Variants in HSP90AA1 observed in about 807,000 individuals in gnomAD.
The protein encoded by HSP90AA1 is heat shock protein 90 alpha family class A member 1.
HSP90AA1 carries 18 observed loss-of-function variants against 73.3 expected under a neutral mutation model. That is an observed-to-expected ratio of 0.25 (90% CI 0.17 to 0.36). The LOEUF is 0.36. Ranked by LOEUF, HSP90AA1 falls within the 10% of genes least tolerant of loss-of-function variation. The pLI is 1.00. For missense variants in HSP90AA1, 704 were observed against 874.2 expected, an observed-to-expected ratio of 0.81 and a Z score of 2.45; for synonymous variants, 477 against 296.9, an observed-to-expected ratio of 1.61 and a Z score of -6.24.
intron 1 of HSP90AA1, among the ~76,000 whole-genome samples, chr14:102,103,813 A>C (rs2049527709): frequency 6.6e-6 from 1 of 151,750 alleles, no homozygotes; most frequent in South Asian, 2.1e-4. Flanking sequence ...TCAAAACAAA[A>C]AAAAAAAAAC....
At chr14:102,106,828 G>A (rs755543361) in intron 1 of HSP90AA1, among the ~76,000 whole-genome samples, 2 of 151,936 alleles carry the variant, frequency 1.3e-5, no homozygotes, top group African/African-American at 2.4e-5. Context: ...ACAAGTGTGA[G>A]CCGCTGCGCC....
At chr14:102,114,187 C>A (rs938436021) in intron 1 of HSP90AA1, among the ~76,000 whole-genome samples, 1 of 151,918 alleles carries the variant, frequency 6.6e-6, no homozygotes, top group Non-Finnish European at 1.5e-5. Flanking sequence ...ATGGGGTTCA[C>A]CATGTTGCAT....
intron 1 of HSP90AA1, among the ~76,000 whole-genome samples, chr14:102,113,845 G>A (rs1437153555): frequency 6.6e-6 from 1 of 151,990 alleles, no homozygotes; most frequent in Non-Finnish European, 1.5e-5. Flanking sequence ...GGAATAGCTG[G>A]GACTACAAGC....
intron 7 of HSP90AA1, 48 bp downstream of exon 7, chr14:102,083,745 A>AC: frequency 6.3e-7 from 1 of 1,596,366 alleles, no homozygotes. Context: ...AAAAAAAAAA[A>AC]AAAAACTAAA....
At position 102,113,873 on chromosome 14, in the gene HSP90AA1, G is replaced by A. The variant is rs188296822; in HGVS notation, c.156-11788C>T. On this transcript the variant is annotated intron_variant, in intron 1 of 11. Transcript: ENST00000334701. ...CTACAAGCGCCTGCCACCATGCCCC[G>A]CTAATTTTTTCTATTTTTAGTTGAG... Among the ~76,000 whole-genome samples the A allele has an allele frequency of 6.6e-3, 1,001 of 151,936 alleles. 11 individuals carry two copies. Among genetic ancestry groups the A allele is most frequent in the African/African-American group, 0.022 (927 of 41,452 alleles).
chr14:102,086,234 T>C lies in HSP90AA1; in HGVS notation c.145A>G (p.Ile49Val), dbSNP rs1364526776. 1 of 1,614,230 alleles carries C rather than the reference T, an allele frequency of 6.2e-7. No individual in the cohort carries two copies. Among genetic ancestry groups the C allele is most frequent in the South Asian group, 1.1e-5 (1 of 91,092 alleles). ...TGACTTACATCTGATGAATTTGAAATGAGCTCTCTCAGAAAGATCTCTTTG... is the reference window on the plus strand; with the variant it reads ...TGACTTACATCTGATGAATTTGAAACGAGCTCTCTCAGAAAGATCTCTTTG... ...SNKEIFLREL[I>V]SNSSDALDKI... is the part of the protein sequence containing the mutation. Residue 49 changes from isoleucine to valine, a missense_variant, in exon 2 of 11, where the codon ATT (isoleucine) becomes GTT (valine). Transcript: ENST00000216281.
chr14:102,101,739 G>T, intron 2 of HSP90AA1: 2 of 732,002 alleles, frequency 2.7e-6, no homozygotes, highest in Non-Finnish European at 2.4e-6. Flanking sequence ...GCAGTGGATG[G>T]GTAGGCAGGG....
At chr14:102,096,931 C>T (rs1397420515) in intron 2 of HSP90AA1, among the ~76,000 whole-genome samples, 3 of 152,158 alleles carry the variant, frequency 2.0e-5, no homozygotes, top group Non-Finnish European at 2.9e-5. Flanking sequence ...CTGAAAAGTT[C>T]ATGGCAAAGC....
rs1361885338 is a variant in HSP90AA1 at position 102,083,588 on chromosome 14, T to G, written c.1444A>C (p.Thr482Pro). 3.7e-6 allele frequency: 6 copies of G among 1,613,878 alleles called. No individual in the cohort carries two copies. The highest frequency in any genetic ancestry group is 4.2e-6 in the Non-Finnish European group (5 of 1,179,794). The stretch of plus-strand genomic sequence containing the variant: ...TGTTTCTGGTTCTCCTTCATTCTGG[T>G]GCAGTAGTCCTTGAGAGAAACCATC... ...DEMVSLKDYC[T>P]RMKENQKHIY... Residue 482 changes from threonine (T) to proline (P), a missense_variant, in exon 8 of 11, where the codon ACC becomes CCC. Coordinates refer to ENST00000216281, the MANE Select transcript of HSP90AA1 (RefSeq NM_005348.4).
At chr14:102,081,943 T>A (rs918249320) in intron 10 of HSP90AA1, 122 bp from the exon 11 acceptor site, 1 of 776,374 alleles carries the variant, frequency 1.3e-6, no homozygotes, top group African/African-American at 1.7e-5. Flanking sequence ...TCAATTTCAT[T>A]TCTTTGCTCT....
chr14:102,116,710 G>A (rs1183240444), intron 1 of HSP90AA1, among the ~76,000 whole-genome samples: 12 of 152,180 alleles, frequency 7.9e-5, no homozygotes, highest in Admixed American at 6.5e-4. Context: ...CAGGAGCCAG[G>A]GACAAGCTGG....
In HSP90AA1 at chr14:102,084,434, A is replaced by C. The variant is rs762696112; in HGVS notation, c.1112T>G (p.Met371Arg). The C allele has an allele frequency of 6.2e-7, 1 of 1,612,968 alleles. No individual in the cohort carries two copies. Among genetic ancestry groups the C allele is most frequent in the East Asian group, 2.2e-5 (1 of 44,894 alleles). ...IKLYVRRVFI[M>R]DNCEELIPEY... ...AGGGATTAGCTCCTCACAGTTATCC[A>C]TGATGAAAACTCTGCGTACATACAA... is the stretch of plus-strand genomic sequence containing the variant. Residue 371 changes from methionine (M) to arginine (R), a missense_variant, in exon 6 of 11, where the codon ATG (methionine) becomes AGG (arginine). By Grantham distance (91) the Met-to-Arg change is moderately conservative. Transcript: ENST00000216281.
chr14:102,108,531 CTTTTTTTT>C (rs35612478), intron 1 of HSP90AA1, among the ~76,000 whole-genome samples: 1 of 130,786 alleles, frequency 7.6e-6, no homozygotes, highest in African/African-American at 2.9e-5. Flanking sequence ...TAACTTATAA[CTTTTTTTT>C]TTTTTTTTTT....
chr14:102,135,490 C>T (rs1193009757), intron 1 of HSP90AA1, among the ~76,000 whole-genome samples: 1 of 152,262 alleles, frequency 6.6e-6, no homozygotes, highest in African/African-American at 2.4e-5. Flanking sequence ...GAGCTGCCTG[C>T]CAGTCCTGCG....
chr14:102,120,478 TG>T (rs1371444548), intron 1 of HSP90AA1, among the ~76,000 whole-genome samples: 2 of 152,218 alleles, frequency 1.3e-5, no homozygotes, highest in African/African-American at 4.8e-5. Flanking sequence ...TTATATATTT[TG>T]TCTTTTGAAC....
intron 1 of HSP90AA1, among the ~76,000 whole-genome samples, chr14:102,107,987 A>AG (rs1290002794): frequency 6.7e-6 from 1 of 149,936 alleles, no homozygotes; most frequent in Non-Finnish European, 1.5e-5. Context: ...CTTGAAGCCC[A>AG]GGTGCAATGG....
chr14:102,110,037 G>A (rs1042734146), intron 1 of HSP90AA1, among the ~76,000 whole-genome samples: 2 of 151,798 alleles, frequency 1.3e-5, no homozygotes, highest in African/African-American at 4.8e-5. Flanking sequence ...GGGTTCAAGC[G>A]ATTCTTCTGC....
intron 1 of HSP90AA1, among the ~76,000 whole-genome samples, chr14:102,121,410 T>C (rs1191401836): frequency 1.3e-5 from 2 of 152,192 alleles, no homozygotes; most frequent in African/African-American, 4.8e-5. Flanking sequence ...TGTACATTTA[T>C]GCGGGTAAAT....
intron 1 of HSP90AA1, 46 bp from the exon 2 acceptor site, chr14:102,086,424 G>A (rs1199915574): frequency 3.1e-6 from 5 of 1,594,702 alleles, no homozygotes; most frequent in Admixed American, 1.7e-5. Flanking sequence ...GACGTCTACA[G>A]AGGCAACACG....
Sources: gnomAD v4.1 joint callset for allele counts (sites outside exome capture counted in the v4.1 genomes callset) on GRCh38, gnomAD v4.1.1 for gene constraint, MANE v1.5 for transcripts, NCBI Gene and HGNC (gene_info 2026-07-23, HGNC 2026-07-21) for gene names.